Variants in ADD2 observed in about 807,000 individuals in gnomAD.
ADD2 encodes the protein beta-adducin.
ADD2 carries 23 observed loss-of-function variants against 83.0 expected under a neutral mutation model. The observed-to-expected ratio is 0.28, with a 90% confidence interval of 0.20 to 0.39. The LOEUF (loss-of-function observed/expected upper bound fraction) is 0.39. ADD2 is among the 10% of genes least tolerant of loss of function. ADD2 has a pLI of 1.00. For missense variants in ADD2, 758 were observed against 944.9 expected (o/e 0.80, Z 2.59); for synonymous variants, 375 against 375.4 (o/e 1.00, Z 0.01).
chr2:70,768,084 G>A lies in ADD2; in HGVS notation c.-352C>T. ...AGTGCAGCGGCTCCGCGGCGGCGGG[G>A]ATGACTGGCCACCGACGCCGCAGTT... On this transcript the variant is annotated 5_prime_UTR_variant, in exon 1 of 16. Transcript: ENST00000264436. 2 of 1,096,288 alleles carry A rather than the reference G, an allele frequency of 1.8e-6. No individual in the cohort carries two copies. Among genetic ancestry groups the A allele is most frequent in the Non-Finnish European group, 2.5e-6 (2 of 785,208 alleles). The allele number at this position is 1,096,288 out of a possible 1,614,324, so 67.9% of individuals were successfully genotyped here.
rs1553369945 is a variant in ADD2 at position 70,683,590 on chromosome 2, C to T, written c.1125+1G>A. 1 of 1,609,978 alleles carries T rather than the reference C, an allele frequency of 6.2e-7. No homozygotes were observed. The highest frequency in any genetic ancestry group is 1.1e-5 in the South Asian group (1 of 90,786). Reference sequence around the variant, plus strand: ...TGGAAGGGCAATGGCAGGAGACTCACCAGGTTGTCCAGCATCCTCATGAGG... The same window carrying T: ...TGGAAGGGCAATGGCAGGAGACTCATCAGGTTGTCCAGCATCCTCATGAGG... On this transcript the variant is annotated splice_donor_variant, in intron 10 of 15. Coordinates refer to ENST00000264436, the MANE Select transcript of ADD2 (RefSeq NM_001617.4). LOFTEE classifies it high-confidence loss of function.
chr2:70,668,388 A>G (rs1669765558), intron 15 of ADD2, among the ~76,000 whole-genome samples: 1 of 152,158 alleles, frequency 6.6e-6, no homozygotes, highest in Admixed American at 6.5e-5. Flanking sequence ...CTCAAGCCAC[A>G]CTGCATCTGG....
chr2:70,760,093 C>T (rs898165967), intron 1 of ADD2, among the ~76,000 whole-genome samples: 3 of 152,214 alleles, frequency 2.0e-5, no homozygotes, highest in Non-Finnish European at 2.9e-5. Flanking sequence ...AATCTAGGCC[C>T]AGTGTTTGTT....
rs73937001 is a variant in ADD2, at chr2:70,677,897, T to C, written c.1384-20A>G. On this transcript the variant is annotated intron_variant, in intron 11 of 15. Transcript: ENST00000264436. ...CATCCACTGCACAAACACAAGGTCA[T>C]GGGGCTGAGGTGAGGGAACAGGCCC... 6.2e-3 allele frequency: 9,987 copies of C among 1,613,972 alleles called. 380 individuals carry two copies. In the African/African-American group the frequency reaches 0.096, roughly 15 times the overall value.
intron 4 of ADD2, among the ~76,000 whole-genome samples, chr2:70,702,753 A>G (rs1671660790): frequency 6.6e-6 from 1 of 152,164 alleles, no homozygotes; most frequent in African/African-American, 2.4e-5. Context: ...GCTTTACTTT[A>G]TAAAAATGTA....
Position 70,692,446 on chromosome 2 carries a change from T to C in ADD2, c.662A>G (p.Asp221Gly). 6.2e-7 allele frequency: 1 copy of C among 1,610,194 alleles called. No individual in the cohort carries two copies. Among genetic ancestry groups the C allele is most frequent in the Non-Finnish European group, 8.5e-7 (1 of 1,178,004 alleles). The stretch of plus-strand genomic sequence containing the variant: ...GTGCAGGTGGATGATGCAGCGCACG[T>C]CGGGCCTCGCTGCATAGATGGCCGA... ...LHSAIYAARP[D>G]VRCIIHLHTP... Residue 221 changes from aspartate to glycine, a missense_variant, in exon 7 of 16, where the codon GAC becomes GGC. Around this residue, in one of 5 missense-constraint regions of ADD2, gnomAD observed 394 missense variants for 509.3 expected, o/e 0.77. Coordinates refer to ENST00000264436, the MANE Select transcript of ADD2 (RefSeq NM_001617.4).
rs1311397174 is a variant in ADD2, at chr2:70,658,154, T to C, written c.*5271A>G. 3 of 152,190 alleles carry C rather than the reference T, an allele frequency of 2.0e-5. No homozygotes were observed. The highest frequency in any genetic ancestry group is 4.4e-5 in the Non-Finnish European group (3 of 68,050). 9.4% of individuals were successfully genotyped at this position (152,190 alleles called of 1,614,324 possible). On this transcript the variant is annotated 3_prime_UTR_variant, in exon 16 of 16. Coordinates refer to ENST00000264436, the MANE Select transcript of ADD2 (RefSeq NM_001617.4). ...TTGTTCCTAAGATGAAAAGCCTACA[T>C]TCTCAAGGGAATTGTCTCTATAAAA...
At chr2:70,692,692 T>C in intron 6 of ADD2, 140 bp from the exon 7 acceptor site, 2 of 947,538 alleles carry the variant, frequency 2.1e-6, no homozygotes, top group Non-Finnish European at 3.0e-6. Flanking sequence ...GACTTGGTGT[T>C]GGAAGAAAAC....
chr2:70,691,059 C>T, intron 7 of ADD2, 130 bp from the exon 8 acceptor site: 1 of 1,166,412 alleles, frequency 8.6e-7, no homozygotes, highest in Non-Finnish European at 1.2e-6. Flanking sequence ...GGTTGGGGAG[C>T]AGGCACAAGA....
chr2:70,763,303 G>A (rs1209486141), intron 1 of ADD2, among the ~76,000 whole-genome samples: 5 of 151,910 alleles, frequency 3.3e-5, no homozygotes, highest in African/African-American at 1.2e-4. Flanking sequence ...ATTGAAGACA[G>A]GCAGTTTTTC....
Position 70,676,903 on chromosome 2 carries a change from A to G in ADD2, c.1504-18T>C. The G allele has an allele frequency of 6.2e-7, 1 of 1,607,940 alleles. No individual in the cohort carries two copies. The highest frequency in any genetic ancestry group is 8.5e-7 in the Non-Finnish European group (1 of 1,175,400). On this transcript the variant is annotated intron_variant, in intron 12 of 15. Transcript: ENST00000264436. This position sits in a 1 kb window ranked among gnomAD's most constrained non-coding sequence, Gnocchi z 4.8. Reference sequence around the variant, plus strand: ...TCTCGAATCTGTGTGGAAAGGGGAGAGGAAGAGTGAGCTGGCTGTTCAGGG... The same window carrying G: ...TCTCGAATCTGTGTGGAAAGGGGAGGGGAAGAGTGAGCTGGCTGTTCAGGG...
chr2:70,675,437 C>G, intron 13 of ADD2: 1 of 985,514 alleles, frequency 1.0e-6, no homozygotes, highest in Non-Finnish European at 1.2e-6. Flanking sequence ...TGCAGGGATA[C>G]TGGCAAAATC....
intron 9 of ADD2, among the ~76,000 whole-genome samples, chr2:70,686,821 C>T (rs1670750151): frequency 6.6e-6 from 1 of 152,174 alleles, no homozygotes; most frequent in Non-Finnish European, 1.5e-5. Flanking sequence ...TGACCACTGC[C>T]TCTAATACTT....
chr2:70,676,656 T>C lies in ADD2; in HGVS notation c.1593+140A>G, dbSNP rs1553368316. 2 of 1,487,684 alleles carry C rather than the reference T, an allele frequency of 1.3e-6. No individual in the cohort carries two copies. The highest frequency in any genetic ancestry group is 9.0e-7 in the Non-Finnish European group (1 of 1,110,754). The allele number at this position is 1,487,684 out of a possible 1,614,324, so 92.2% of individuals were successfully genotyped here. Reference sequence around the variant, plus strand: ...CACCCCTGTGAGGTTGGCCTCCATTTTGCAGCAAGAGCACCGGCACCCAAG... The same window carrying C: ...CACCCCTGTGAGGTTGGCCTCCATTCTGCAGCAAGAGCACCGGCACCCAAG... On this transcript the variant is annotated intron_variant, in intron 13 of 15. Transcript: ENST00000264436. The surrounding 1 kb of genome is among the most constrained non-coding windows in gnomAD (Gnocchi z 4.8).
intron 1 of ADD2, among the ~76,000 whole-genome samples, chr2:70,719,917 T>A (rs1469076033): frequency 2.6e-5 from 4 of 152,144 alleles, no homozygotes; most frequent in Admixed American, 2.6e-4. Flanking sequence ...ACTCACTGGA[T>A]CATGTGACAG....
chr2:70,718,719 T>A (rs1672592577), intron 1 of ADD2, among the ~76,000 whole-genome samples: 2 of 152,206 alleles, frequency 1.3e-5, no homozygotes, highest in Non-Finnish European at 2.9e-5. Context: ...AAATTGAGGC[T>A]GCAGGAACCT....
In ADD2 at chr2:70,663,734, T is replaced by A. The variant is rs373930208; in HGVS notation, c.1872A>T (p.Glu624Asp). Reference sequence around the variant, plus strand: ...TGCTTGTTTCTGTCTTCTTAGTACCTTCTAGAAAAAGATCAAAAGATATGA... The same window carrying A: ...TGCTTGTTTCTGTCTTCTTAGTACCATCTAGAAAAAGATCAAAAGATATGA... ...PLVSPSKSLE[E>D]GTKKTETSKA... is the part of the protein sequence containing the mutation. Residue 624 changes from glutamate (E) to aspartate (D), a missense_variant and splice_region_variant, in exon 16 of 16, where the codon GAA becomes GAT. Coordinates refer to ENST00000264436, the MANE Select transcript of ADD2 (RefSeq NM_001617.4). The A allele has an allele frequency of 1.2e-6, 2 of 1,611,492 alleles. No individual in the cohort carries two copies. The highest frequency in any genetic ancestry group is 1.7e-6 in the Non-Finnish European group (2 of 1,178,982).
chr2:70,754,187 T>G (rs1385398087), intron 1 of ADD2, among the ~76,000 whole-genome samples: 2 of 152,186 alleles, frequency 1.3e-5, no homozygotes, highest in Non-Finnish European at 2.9e-5. Context: ...TACTGTTAAT[T>G]GCCTTTAACT....
intron 9 of ADD2, chr2:70,687,345 C>T (rs546590178): frequency 6.5e-6 from 1 of 152,804 alleles, no homozygotes; most frequent in East Asian, 1.9e-4. Flanking sequence ...ACCTTGTTGT[C>T]TATACAACTA....
Sources: allele counts gnomAD v4.1 joint callset (sites outside exome capture counted in the v4.1 genomes callset), GRCh38; gene constraint gnomAD v4.1.1; regional missense constraint gnomAD v4.1.1; non-coding constraint Gnocchi (gnomAD v3.1); transcripts MANE v1.5; gene names NCBI Gene and HGNC (gene_info 2026-07-23, HGNC 2026-07-21).